PLCE1: variants seen among roughly 807,000 people sequenced by gnomAD.
PLCE1 encodes phospholipase C epsilon 1.
PLCE1 carries 119 observed loss-of-function variants against 242.8 expected under a neutral mutation model. That is an observed-to-expected ratio of 0.49 (90% confidence interval 0.42 to 0.57). PLCE1 has a LOEUF of 0.57. Ranked by LOEUF, PLCE1 falls within the 20% of genes least tolerant of loss-of-function variation. The pLI is 0.00. For synonymous variants in PLCE1, 945 were observed against 1,017.4 expected, an observed-to-expected ratio of 0.93 and a Z score of 1.35; for missense variants, 2,441 against 2,788.8, an observed-to-expected ratio of 0.88 and a Z score of 2.81.
chr10:94,111,480 G>C (rs1044414254), intron 2 of PLCE1, among the ~76,000 whole-genome samples: 1 of 152,174 alleles, frequency 6.6e-6, no homozygotes, highest in Non-Finnish European at 1.5e-5. Context: ...AATTCCTCCT[G>C]ACAGGGAACA....
rs764467728 is a variant in PLCE1, at chr10:94,306,487, G to A, written c.5683G>A (p.Asp1895Asn). 3 of 1,614,074 alleles carry A rather than the reference G, an allele frequency of 1.9e-6. No individual in the cohort carries two copies. Among genetic ancestry groups the A allele is most frequent in the Non-Finnish European group, 2.5e-6 (3 of 1,180,012 alleles). Reference sequence around the variant, plus strand: ...CATGGGAAGCCCGTGCATTGAAGTCGACGTCCTGGGCATGCCTCTGGACAG... The same window carrying A: ...CATGGGAAGCCCGTGCATTGAAGTCAACGTCCTGGGCATGCCTCTGGACAG... ...NSMGSPCIEV[D>N]VLGMPLDSCH... is the part of the protein sequence containing the mutation. Residue 1895 changes from aspartate (D) to asparagine (N), a missense_variant, in exon 26 of 33, where the codon GAC becomes AAC. By Grantham distance (23) the Asp-to-Asn change is conservative. Coordinates refer to ENST00000371380, the MANE Select transcript of PLCE1 (RefSeq NM_016341.4). This position sits in a 1 kb window ranked among gnomAD's most constrained non-coding sequence, Gnocchi z 5.7.
At chr10:94,159,834 G>A (rs865921237) in intron 3 of PLCE1, among the ~76,000 whole-genome samples, 2 of 151,890 alleles carry the variant, frequency 1.3e-5, no homozygotes, top group Non-Finnish European at 2.9e-5. Flanking sequence ...TGTTTTCATT[G>A]TTCAATTCCC....
chr10:94,004,020 G>A (rs181718440), intron 1 of PLCE1, among the ~76,000 whole-genome samples: 220 of 152,158 alleles, frequency 1.4e-3, no homozygotes, highest in Non-Finnish European at 2.6e-3. Context: ...GGTGGTGGGC[G>A]CCTGTAATCC....
At chr10:94,132,898 C>T (rs906938939) in intron 3 of PLCE1, among the ~76,000 whole-genome samples, 1 of 145,412 alleles carries the variant, frequency 6.9e-6, no homozygotes, top group Non-Finnish European at 1.5e-5. Flanking sequence ...TGCAGTGAGC[C>T]GAGCTCACGC....
chr10:94,297,733 A>G (rs1388767821), intron 23 of PLCE1, among the ~76,000 whole-genome samples: 2 of 152,008 alleles, frequency 1.3e-5, no homozygotes, highest in Non-Finnish European at 2.9e-5. Flanking sequence ...CTTTTCACAT[A>G]ATTTTCTGTA....
Position 94,259,100 on chromosome 10 carries a change from A to G in PLCE1, c.3764A>G (p.Tyr1255Cys). Residue 1255 changes from tyrosine to cysteine, a missense_variant, in exon 13 of 33, where the codon TAC (tyrosine) becomes TGC (cysteine). Physicochemically the swap from Tyr to Cys is radical, Grantham distance 194. Coordinates refer to ENST00000371380, the MANE Select transcript of PLCE1 (RefSeq NM_016341.4). ...TCTGGCTCCGAGTCAGCCCCACTCT[A>G]CACCAACCTGACAATTGATGAAAAC... ...NRSGSESAPL[Y>C]TNLTIDENTS... 6.2e-7 allele frequency: 1 copy of G among 1,613,962 alleles called. No individual in the cohort carries two copies. Among genetic ancestry groups the G allele is most frequent in the South Asian group, 1.1e-5 (1 of 91,072 alleles).
At chr10:94,140,923 A>G (rs2046935492) in intron 3 of PLCE1, among the ~76,000 whole-genome samples, 1 of 152,252 alleles carries the variant, frequency 6.6e-6, no homozygotes. Flanking sequence ...ACTAAAAAGT[A>G]TTCATTAGCT....
chr10:94,027,800 A>G (rs1046286784), intron 1 of PLCE1, among the ~76,000 whole-genome samples: 5 of 151,388 alleles, frequency 3.3e-5, no homozygotes, highest in African/African-American at 1.2e-4. Context: ...CAGCCTGGCG[A>G]CAGAGTGAGA....
chr10:94,094,207 C>T (rs1022502302), intron 2 of PLCE1, among the ~76,000 whole-genome samples: 2 of 149,072 alleles, frequency 1.3e-5, no homozygotes, highest in African/African-American at 2.6e-5. Context: ...TCCCAAAGTG[C>T]TGGGATTACA....
At chr10:94,192,011 C>A (rs983984053) in intron 4 of PLCE1, among the ~76,000 whole-genome samples, 24 of 152,048 alleles carry the variant, frequency 1.6e-4, no homozygotes, top group Admixed American at 5.9e-4. Flanking sequence ...ACATTTTTAA[C>A]AATTTTTAAA....
At chr10:94,297,590 T>TAAAAAAAAAAAAAAAAAAAAAAAAAA (rs71031568) in intron 23 of PLCE1, among the ~76,000 whole-genome samples, 4 of 56,580 alleles carry the variant, frequency 7.1e-5, no homozygotes, top group Admixed American at 2.4e-4. Flanking sequence ...TTTAAATTTG[T>TAAAAAAAAAAAAAAAAAAAAAAAAAA]AAAAAAAAAA....
At chr10:94,138,173 C>T (rs1369694290) in intron 3 of PLCE1, 3 of 378,038 alleles carry the variant, frequency 7.9e-6, no homozygotes, top group Admixed American at 3.2e-5. Context: ...AGGCATCTGG[C>T]TTCTGCTAAG....
chr10:94,205,861 C>T (rs941136520), intron 4 of PLCE1, among the ~76,000 whole-genome samples: 2 of 152,250 alleles, frequency 1.3e-5, no homozygotes, highest in Non-Finnish European at 2.9e-5. Flanking sequence ...CTTGAGGCCT[C>T]TCCTGGAATA....
chr10:94,132,327 C>T lies in PLCE1; in HGVS notation c.1360C>T (p.Arg454Cys), dbSNP rs759052382. The T allele has an allele frequency of 2.5e-6, 4 of 1,613,950 alleles. No homozygotes were observed. The highest frequency in any genetic ancestry group is 2.2e-5 in the East Asian group (1 of 44,860). Residue 454 changes from arginine (R) to cysteine (C), a missense_variant, in exon 3 of 33, where the codon CGC becomes TGC. Arg to Cys is a radical substitution (Grantham distance 180). Coordinates refer to ENST00000371380, the MANE Select transcript of PLCE1 (RefSeq NM_016341.4). ...TGTCCGAGACACTGTATGTGAGTAT[C>T]GCGCCACCCTCCAAAGGACTTCAAT... Reference protein sequence around the residue: ...QCVRDTVCEYRATLQRTSISQ... With the variant: ...QCVRDTVCEYCATLQRTSISQ...
intron 4 of PLCE1, among the ~76,000 whole-genome samples, chr10:94,215,329 G>A (rs555491839): frequency 1.3e-4 from 20 of 152,322 alleles, no homozygotes; most frequent in Non-Finnish European, 2.5e-4. Context: ...ACAAGATGTT[G>A]TCAAACACCT....
chr10:94,019,259 T>C (rs1199643747), intron 1 of PLCE1, among the ~76,000 whole-genome samples: 7 of 152,036 alleles, frequency 4.6e-5, no homozygotes, highest in African/African-American at 1.7e-4. Flanking sequence ...ATCTGTACAG[T>C]TGAGGAAGTT....
At chr10:94,106,910 G>GTT (rs1382948154) in intron 2 of PLCE1, among the ~76,000 whole-genome samples, 4 of 11,476 alleles carry the variant, frequency 3.5e-4, no homozygotes, top group African/African-American at 4.8e-4. Context: ...GTTGTCTCTT[G>GTT]TTTCTCTCTC....
chr10:94,258,949 CT>C, intron 12 of PLCE1, 27 bp downstream of exon 12: 1 of 1,614,050 alleles, frequency 6.2e-7, no homozygotes, highest in Non-Finnish European at 8.5e-7. Flanking sequence ...CCTTCTTATT[CT>C]TTCTCAGGCC....
Position 94,030,917 on chromosome 10 carries a change from A to AT in PLCE1, c.-129dup. ...TTAATGCTCCTGAATGAAAGGAATT[A>AT]TCCCTTTGTTCTTTGGGAGGACTTG... is the stretch of plus-strand genomic sequence containing the variant. On this transcript the variant is annotated 5_prime_UTR_variant, in exon 2 of 33. An upstream open reading frame in the 5' UTR loses its in-frame stop. Transcript: ENST00000371380. The AT allele has an allele frequency of 1.1e-6, 1 of 878,836 alleles. No individual in the cohort carries two copies. The highest frequency in any genetic ancestry group is 1.9e-6 in the Non-Finnish European group (1 of 525,204). The allele number at this position is 878,836 out of a possible 1,614,324, so 54.4% of individuals were successfully genotyped here.
Sources: allele counts gnomAD v4.1 joint callset (sites outside exome capture counted in the v4.1 genomes callset), GRCh38; gene constraint gnomAD v4.1.1; non-coding constraint Gnocchi (gnomAD v3.1); transcripts MANE v1.5; gene names NCBI Gene and HGNC (gene_info 2026-07-23, HGNC 2026-07-21).